The following GOT2 variants were observed in gnomAD, a reference collection of about 807,000 sequenced individuals.
GOT2 encodes the protein aspartate aminotransferase, mitochondrial.
GOT2 carries 17 observed loss-of-function variants against 50.0 expected under a neutral mutation model. The ratio of observed to expected loss-of-function variants is 0.34; its 90% confidence interval spans 0.23 to 0.51. GOT2 has a LOEUF of 0.51. GOT2 is among the 20% of genes least tolerant of loss of function. The pLI, the probability that GOT2 is intolerant of heterozygous loss-of-function variation, is 0.97. For synonymous variants in GOT2, 172 were observed against 204.9 expected (o/e 0.84, Z 1.37); for missense variants, 430 against 559.6 (o/e 0.77, Z 2.34).
At position 58,726,385 on chromosome 16, in the gene GOT2, C is replaced by T. The variant is rs145531186; in HGVS notation, c.90-2483G>A. Among the ~76,000 whole-genome samples, 1,006 of 152,168 alleles carry T rather than the reference C, an allele frequency of 6.6e-3. 9 individuals are homozygous for T. The highest frequency in any genetic ancestry group is 0.023 in the African/African-American group (952 of 41,514). On this transcript the variant is annotated intron_variant, in intron 1 of 9. Coordinates refer to ENST00000245206, the MANE Select transcript of GOT2 (RefSeq NM_002080.4). Reference sequence around the variant, plus strand: ...ATTTTTAGTAGAGACGGGGTTTCGCCGTGTTGGCCAGGCTGGTCTTGAACT... The same window carrying T: ...ATTTTTAGTAGAGACGGGGTTTCGCTGTGTTGGCCAGGCTGGTCTTGAACT...
intron 7 of GOT2, chr16:58,716,388 G>C: frequency 1.7e-6 from 1 of 600,394 alleles, no homozygotes; most frequent in East Asian, 2.9e-5. Context: ...ATTTTTTATT[G>C]TATCTATCTT....
At chr16:58,712,528 C>CAACAACAAA (rs1555508760) in intron 8 of GOT2, among the ~76,000 whole-genome samples, 1 of 151,690 alleles carries the variant, frequency 6.6e-6, no homozygotes, top group African/African-American at 2.4e-5. Flanking sequence ...ACAAGAACAA[C>CAACAACAAA]AACAACAACA....
intron 1 of GOT2, among the ~76,000 whole-genome samples, chr16:58,728,095 G>T (rs1211222185): frequency 6.6e-6 from 1 of 152,200 alleles, no homozygotes; most frequent in Non-Finnish European, 1.5e-5. Context: ...ACAAGTTAAA[G>T]ACTGCTGCAG....
intron 8 of GOT2, among the ~76,000 whole-genome samples, chr16:58,712,387 C>T (rs1307288176): frequency 6.6e-6 from 1 of 152,170 alleles, no homozygotes; most frequent in Admixed American, 6.5e-5. Flanking sequence ...TGGTGGGTGC[C>T]TGTGATCCCA....
At chr16:58,716,425 G>A (rs2044693359) in intron 7 of GOT2, 7 of 599,840 alleles carry the variant, frequency 1.2e-5, no homozygotes, top group Admixed American at 3.4e-5. Context: ...GTTACTTTTT[G>A]TTTAGAGAAG....
intron 7 of GOT2, 191 bp downstream of exon 7, chr16:58,716,472 C>T: frequency 1.6e-6 from 1 of 625,374 alleles, no homozygotes; most frequent in Non-Finnish European, 2.7e-6. Context: ...AACTTAAGGA[C>T]ACCGAAGAAT....
intron 3 of GOT2, among the ~76,000 whole-genome samples, chr16:58,720,875 T>C (rs997526152): frequency 2.6e-5 from 4 of 152,170 alleles, no homozygotes; most frequent in African/African-American, 9.7e-5. Context: ...AGTGAGCCAC[T>C]GCGCCCGGCT....
intron 5 of GOT2, 74 bp from the exon 6 acceptor site, chr16:58,718,374 G>T (rs552742978): frequency 1.4e-6 from 2 of 1,384,168 alleles, no homozygotes; most frequent in African/African-American, 1.4e-5. Flanking sequence ...CCACAGGATC[G>T]TCATCATTTG....
Position 58,709,293 on chromosome 16 carries a change from CAAA to C in GOT2, c.1170+121_1170+123del. On this transcript the variant is annotated intron_variant, in intron 9 of 9. Coordinates refer to ENST00000245206, the MANE Select transcript of GOT2 (RefSeq NM_002080.4). Reference sequence around the variant, plus strand: ...AAACAAAAACAAAAACAAAACAAAACAAAACAAAACAAAACAAAAAACCCGAAA... The same window carrying C: ...AAACAAAAACAAAAACAAAACAAAACACAAAACAAAACAAAAAACCCGAAA... 4 of 867,058 alleles carry C rather than the reference CAAA, an allele frequency of 4.6e-6. No homozygotes were observed. The South Asian group carries it at 8.2e-5, about 18-fold the overall frequency. 53.7% of individuals were successfully genotyped at this position (867,058 alleles called of 1,614,324 possible).
intron 8 of GOT2, among the ~76,000 whole-genome samples, chr16:58,714,611 G>A (rs1194686482): frequency 2.6e-5 from 4 of 151,740 alleles, no homozygotes; most frequent in African/African-American, 4.8e-5. Context: ...CCAGCTACTC[G>A]GGAGGCTGAG....
At chr16:58,720,070 G>A (rs2044728768) in intron 3 of GOT2, among the ~76,000 whole-genome samples, 1 of 152,086 alleles carries the variant, frequency 6.6e-6, no homozygotes, top group Non-Finnish European at 1.5e-5. Context: ...GTGTGTTGGC[G>A]CATGCCTGTA....
intron 6 of GOT2, 69 bp from the exon 7 acceptor site, chr16:58,716,882 T>G: frequency 6.9e-7 from 1 of 1,456,292 alleles, no homozygotes. Flanking sequence ...TATAAAAGTC[T>G]GAAAGATGTT....
intron 2 of GOT2, 86 bp downstream of exon 2, chr16:58,723,660 T>A (rs966773012): frequency 9.0e-7 from 1 of 1,107,312 alleles, no homozygotes; most frequent in Non-Finnish European, 1.3e-6. Flanking sequence ...GGCTCCTGAT[T>A]CCCGGTCCAG....
At position 58,715,803 on chromosome 16, in the gene GOT2, C is replaced by T. The variant is rs978463563; in HGVS notation, c.1019+211G>A. On this transcript the variant is annotated intron_variant, in intron 8 of 9. Coordinates refer to ENST00000245206, the MANE Select transcript of GOT2 (RefSeq NM_002080.4). Reference sequence around the variant, plus strand: ...CCGACCTCAGGTGATCCACCTGCCTCGGCCTCCCAAAGTGCTGCGATTACA... The same window carrying T: ...CCGACCTCAGGTGATCCACCTGCCTTGGCCTCCCAAAGTGCTGCGATTACA... Among the ~76,000 whole-genome samples the T allele has an allele frequency of 7.9e-5, 12 of 152,308 alleles. 2 individuals are homozygous for T. The highest frequency in any genetic ancestry group is 6.5e-4 in the Admixed American group (10 of 15,296).
At chr16:58,710,699 G>A (rs2044639552) in intron 8 of GOT2, among the ~76,000 whole-genome samples, 2 of 148,462 alleles carry the variant, frequency 1.3e-5, no homozygotes, top group African/African-American at 4.9e-5. Flanking sequence ...GGCTAACACG[G>A]TGAAACCCCG....
chr16:58,714,634 C>T (rs1029582058), intron 8 of GOT2, among the ~76,000 whole-genome samples: 1 of 151,708 alleles, frequency 6.6e-6, no homozygotes, highest in Admixed American at 6.6e-5. Context: ...ACGAGAATTG[C>T]TAGAGCCTAG....
chr16:58,709,083 G>A (rs574009368), intron 9 of GOT2: 20 of 179,230 alleles, frequency 1.1e-4, no homozygotes, highest in Non-Finnish European at 1.5e-4. Flanking sequence ...GCAACATGGC[G>A]AAACTATGTC....
chr16:58,714,664 T>C (rs1434779130), intron 8 of GOT2, among the ~76,000 whole-genome samples: 1 of 151,964 alleles, frequency 6.6e-6, no homozygotes, highest in African/African-American at 2.4e-5. Context: ...GTTGCAGTGA[T>C]TGTGCCACTG....
chr16:58,728,031 C>T (rs2044801961), intron 1 of GOT2, among the ~76,000 whole-genome samples: 1 of 152,174 alleles, frequency 6.6e-6, no homozygotes, highest in South Asian at 2.1e-4. Flanking sequence ...ATACACCTCA[C>T]TCCTCCATGG....
Sources: gnomAD v4.1 joint callset for allele counts (sites outside exome capture counted in the v4.1 genomes callset) on GRCh38, gnomAD v4.1.1 for gene constraint, MANE v1.5 for transcripts, NCBI Gene and HGNC (gene_info 2026-07-23, HGNC 2026-07-21) for gene names.